The following DENND4C variants were observed in gnomAD, a reference collection of about 807,000 sequenced individuals.
The protein encoded by DENND4C is DENN domain-containing protein 4C.
Under a neutral mutation model 203.0 loss-of-function variants are expected in DENND4C, and 108 were observed. The ratio of observed to expected loss-of-function variants is 0.53; its 90% confidence interval spans 0.46 to 0.62. The LOEUF (loss-of-function observed/expected upper bound fraction) is 0.62, where lower values mean the gene tolerates loss of function less well. Among genes scored for constraint, DENND4C ranks in the 20% least tolerant of loss-of-function variants. The pLI is 0.00. For missense variants in DENND4C, 2,481 were observed against 2,301.2 expected, an observed-to-expected ratio of 1.08 and a Z score of -1.60; for synonymous variants, 871 against 792.4, an observed-to-expected ratio of 1.10 and a Z score of -1.67.
chr9:19,245,572 T>C (rs1328050714), intron 1 of DENND4C, among the ~76,000 whole-genome samples: 2 of 134,732 alleles, frequency 1.5e-5, no homozygotes, highest in African/African-American at 5.5e-5. Flanking sequence ...ATTGTAAGCA[T>C]TGGGCCGGGC....
intron 30 of DENND4C, among the ~76,000 whole-genome samples, chr9:19,365,642 A>G (rs752861124): frequency 1.5e-4 from 22 of 150,128 alleles, no homozygotes; most frequent in Non-Finnish European, 3.0e-4. Context: ...TTCTATATAT[A>G]TAATATATAG....
At chr9:19,260,032 C>T (rs1828967225) in intron 1 of DENND4C, among the ~76,000 whole-genome samples, 1 of 152,076 alleles carries the variant, frequency 6.6e-6, no homozygotes, top group Non-Finnish European at 1.5e-5. Context: ...TTTTGAGGAA[C>T]CTCTATACTA....
intron 1 of DENND4C, among the ~76,000 whole-genome samples, chr9:19,234,616 C>T (rs1276894469): frequency 6.8e-6 from 1 of 147,500 alleles, no homozygotes; most frequent in Admixed American, 6.9e-5. Context: ...GCAGCCTCTA[C>T]CTCCCGGGTT....
chr9:19,318,413 G>A (rs959384301), intron 12 of DENND4C, among the ~76,000 whole-genome samples: 2 of 152,184 alleles, frequency 1.3e-5, no homozygotes, highest in Non-Finnish European at 2.9e-5. Flanking sequence ...AAGATTAAAT[G>A]AGAAAATATA....
rs1837823657 is a variant in DENND4C, at chr9:19,298,098, A to G, written c.1083A>G (p.Pro361=). Reference sequence around the variant, plus strand: ...TGCAAAACATCCCTTTTCCTTCACCACAAAGACCGAGAATCCTTGTCCAGG... The same window carrying G: ...TGCAAAACATCCCTTTTCCTTCACCGCAAAGACCGAGAATCCTTGTCCAGG... ...HFMQNIPFPS[P]QRPRILVQLS... Residue 361 remains proline, a synonymous_variant, in exon 7 of 33, where the codon CCA becomes CCG. Transcript: ENST00000434457. 5.0e-6 allele frequency: 8 copies of G among 1,610,614 alleles called. No individual in the cohort carries two copies. The highest frequency in any genetic ancestry group is 5.9e-6 in the Non-Finnish European group (7 of 1,178,280).
chr9:19,232,137 T>C (rs3802333), intron 1 of DENND4C, among the ~76,000 whole-genome samples: 76,569 of 152,024 alleles, frequency 0.5, 20,297 homozygotes, highest in South Asian at 0.58. Context: ...TTTTCTGTCC[T>C]GTTCTTTGTA....
At chr9:19,267,354 A>C (rs1830708123) in intron 1 of DENND4C, among the ~76,000 whole-genome samples, 1 of 152,156 alleles carries the variant, frequency 6.6e-6, no homozygotes. Context: ...CTTATTATAT[A>C]ATGACCTTCT....
intron 1 of DENND4C, among the ~76,000 whole-genome samples, chr9:19,239,262 T>G (rs1457939698): frequency 6.6e-6 from 1 of 152,176 alleles, no homozygotes; most frequent in African/African-American, 2.4e-5. Flanking sequence ...TAAATACTGT[T>G]TTAGCCACAT....
chr9:19,311,339 T>C (rs1463039825), intron 10 of DENND4C, among the ~76,000 whole-genome samples: 2 of 152,188 alleles, frequency 1.3e-5, no homozygotes, highest in Non-Finnish European at 2.9e-5. Flanking sequence ...TTGGCCAAGC[T>C]GGTCTGGAAC....
At chr9:19,340,938 T>G in intron 20 of DENND4C, 54 bp from the exon 21 acceptor site, 1 of 1,460,816 alleles carries the variant, frequency 6.8e-7, no homozygotes, top group Admixed American at 2.4e-5. Flanking sequence ...TTTTTATATA[T>G]GAATTATAAG....
chr9:19,317,424 G>A (rs1286421914), intron 12 of DENND4C, among the ~76,000 whole-genome samples: 1 of 151,834 alleles, frequency 6.6e-6, no homozygotes, highest in East Asian at 1.9e-4. Flanking sequence ...ACGTATACTC[G>A]TTATTTTTAG....
rs541895799 is a variant in DENND4C at position 19,372,991 on chromosome 9, C to T, written c.*818C>T. On this transcript the variant is annotated 3_prime_UTR_variant, in exon 33 of 33. Coordinates refer to ENST00000434457, the MANE Select transcript of DENND4C (RefSeq NM_001330640.2). ...TTAAAATAGATTGCATGTTGCAATA[C>T]GGTTTTCTGAAAGGGGTCTCATTGA... The T allele has an allele frequency of 2.0e-5, 3 of 151,782 alleles. No homozygotes were observed. Among genetic ancestry groups the T allele is most frequent in the South Asian group, 4.2e-4 (2 of 4,818 alleles). The allele number at this position is 151,782 out of a possible 1,614,324, so 9.4% of individuals were successfully genotyped here. A position where few individuals can be genotyped will look rare whatever the true frequency, so the allele number is the denominator to read the frequency against.
Position 19,268,999 on chromosome 9 carries a change from T to C in DENND4C, c.-17-7159T>C, listed in dbSNP as rs147738874. On this transcript the variant is annotated intron_variant, in intron 1 of 32. Transcript: ENST00000434457. Reference sequence around the variant, plus strand: ...TCTATGTTTGGGAAGTTCTCTGTAGTATATCTCTTTGAATAAACTTGGTAC... The same window carrying C: ...TCTATGTTTGGGAAGTTCTCTGTAGCATATCTCTTTGAATAAACTTGGTAC... Among the ~76,000 whole-genome samples the C allele has an allele frequency of 1.2e-4, 19 of 152,288 alleles. No homozygotes were observed. In the East Asian group the frequency reaches 3.5e-3, roughly 28 times the overall value.
chr9:19,247,020 G>T (rs547552538), intron 1 of DENND4C, among the ~76,000 whole-genome samples: 17 of 152,012 alleles, frequency 1.1e-4, no homozygotes, highest in Non-Finnish European at 2.1e-4. Flanking sequence ...CCCACCAACT[G>T]AAATCACTCT....
chr9:19,236,278 T>C (rs994041295), intron 1 of DENND4C, among the ~76,000 whole-genome samples: 2 of 152,142 alleles, frequency 1.3e-5, no homozygotes, highest in Admixed American at 1.3e-4. Context: ...ACAACAAATA[T>C]AGAATGGAGC....
At chr9:19,267,458 C>G (rs1397095205) in intron 1 of DENND4C, among the ~76,000 whole-genome samples, 2 of 152,186 alleles carry the variant, frequency 1.3e-5, no homozygotes, top group African/African-American at 4.8e-5. Flanking sequence ...CCTGGAATAT[C>G]TTTTTTGACC....
At chr9:19,343,723 A>G (rs1822187342) in intron 22 of DENND4C, among the ~76,000 whole-genome samples, 1 of 152,244 alleles carries the variant, frequency 6.6e-6, no homozygotes, top group South Asian at 2.1e-4. Flanking sequence ...AAAGGAGGGA[A>G]GAGTTTTCTT....
rs1419852951 is a variant in DENND4C at position 19,324,396 on chromosome 9, A to G, written c.1842A>G (p.Lys614=). 6.2e-7 allele frequency: 1 copy of G among 1,611,008 alleles called. No individual in the cohort carries two copies. ...FLKSRDRAYA[K]FYTLLSKTQI... ...AAAGTCGAGATCGTGCCTATGCAAA[A>G]TTCTATACCCTTTTATCCAAAACAC... The change falls in exon 13 of 33, where the codon AAA becomes AAG. Residue 614 remains lysine, a synonymous_variant. Transcript: ENST00000434457.
intron 26 of DENND4C, among the ~76,000 whole-genome samples, chr9:19,356,609 AT>A (rs887796304): frequency 6.1e-4 from 90 of 147,580 alleles, no homozygotes; most frequent in Admixed American, 8.1e-4. Flanking sequence ...GCAGCTCTTT[AT>A]TTTTTTTTTT....
Sources: allele counts gnomAD v4.1 joint callset (sites outside exome capture counted in the v4.1 genomes callset), GRCh38; gene constraint gnomAD v4.1.1; transcripts MANE v1.5; gene names NCBI Gene and HGNC (gene_info 2026-07-23, HGNC 2026-07-21).